Variants in LRRC63 observed in about 807,000 individuals in gnomAD.
LRRC63 encodes leucine-rich repeat-containing protein 63.
In LRRC63, 40 loss-of-function variants were observed where a neutral mutation model predicts 49.5. The ratio of observed to expected loss-of-function variants is 0.81; its 90% CI spans 0.63 to 1.05. The LOEUF is 1.05. Ranked by LOEUF, LRRC63 falls within the 50% of genes least tolerant of loss-of-function variation. The pLI, the probability that LRRC63 is intolerant of heterozygous loss-of-function variation, is 0.00. For missense variants in LRRC63, 636 were observed against 663.1 expected (o/e 0.96, Z 0.45); for synonymous variants, 191 against 221.1 (o/e 0.86, Z 1.21).
chr13:46,232,214 G>C (rs1454675718), intron 4 of LRRC63, among the ~76,000 whole-genome samples: 2 of 152,110 alleles, frequency 1.3e-5, no homozygotes. Context: ...ACCTCCCTCT[G>C]GGACCCACAT....
At chr13:46,233,319 G>T (rs944961221) in intron 4 of LRRC63, among the ~76,000 whole-genome samples, 1 of 152,040 alleles carries the variant, frequency 6.6e-6, no homozygotes, top group African/African-American at 2.4e-5. Context: ...CCAAGCCAAG[G>T]CATCTCTATA....
chr13:46,274,357 G>C (rs2047802565), intron 9 of LRRC63, among the ~76,000 whole-genome samples: 1 of 152,178 alleles, frequency 6.6e-6, no homozygotes, highest in South Asian at 2.1e-4. Flanking sequence ...ATCCTCCAGT[G>C]TCTGCCCTTG....
intron 2 of LRRC63, among the ~76,000 whole-genome samples, chr13:46,223,053 G>A (rs1458069616): frequency 1.6e-5 from 2 of 122,546 alleles, no homozygotes; most frequent in Non-Finnish European, 1.6e-5. Flanking sequence ...ACACTCTGGG[G>A]ACTGTTGTGG....
chr13:46,221,118 A>G (rs2046395465), intron 2 of LRRC63, among the ~76,000 whole-genome samples: 1 of 152,212 alleles, frequency 6.6e-6, no homozygotes, highest in South Asian at 2.1e-4. Context: ...CCCCAGCACT[A>G]TGTGTACAGC....
At chr13:46,222,761 C>T (rs1204521566) in intron 2 of LRRC63, among the ~76,000 whole-genome samples, 2 of 151,412 alleles carry the variant, frequency 1.3e-5, no homozygotes, top group East Asian at 3.9e-4. Context: ...CACATGCACA[C>T]GTATGTTTAT....
chr13:46,266,058 A>G (rs1022296257), intron 8 of LRRC63, among the ~76,000 whole-genome samples: 5 of 151,528 alleles, frequency 3.3e-5, no homozygotes, highest in Non-Finnish European at 7.4e-5. Flanking sequence ...TTCACCTCTA[A>G]TACATTTGAC....
intron 2 of LRRC63, among the ~76,000 whole-genome samples, chr13:46,215,667 C>T (rs183835107): frequency 1.6e-4 from 24 of 152,110 alleles, no homozygotes; most frequent in African/African-American, 4.8e-4. Flanking sequence ...CTGCTTTTGG[C>T]GTTTTTGTCA....
chr13:46,221,069 A>G (rs2046394698), intron 2 of LRRC63, among the ~76,000 whole-genome samples: 1 of 151,960 alleles, frequency 6.6e-6, no homozygotes, highest in Non-Finnish European at 1.5e-5. Flanking sequence ...AAATTGTGAG[A>G]TATTTGTTGG....
At chr13:46,232,167 C>A (rs916100907) in intron 4 of LRRC63, among the ~76,000 whole-genome samples, 2 of 152,180 alleles carry the variant, frequency 1.3e-5, no homozygotes, top group African/African-American at 4.8e-5. Context: ...ACAAGGACAG[C>A]ACCAAGCCAT....
At chr13:46,221,150 T>G (rs1035071523) in intron 2 of LRRC63, among the ~76,000 whole-genome samples, 1 of 152,234 alleles carries the variant, frequency 6.6e-6, no homozygotes, top group Admixed American at 6.5e-5. Flanking sequence ...AGGTGTTAAA[T>G]GTTTATTGAA....
exon 9 of LRRC63, chr13:46,266,864 T>C: frequency 1.3e-6 from 2 of 1,549,548 alleles, no homozygotes. Context: ...GATAATTATT[T>C]GAATAATCCA....
chr13:46,242,037 TG>T (rs1759880669), intron 5 of LRRC63, among the ~76,000 whole-genome samples: 1 of 152,206 alleles, frequency 6.6e-6, no homozygotes, highest in African/African-American at 2.4e-5. Flanking sequence ...CAGCACTATT[TG>T]TGATAACAAA....
chr13:46,221,323 A>G (rs1293002138), intron 2 of LRRC63, among the ~76,000 whole-genome samples: 2 of 152,210 alleles, frequency 1.3e-5, no homozygotes, highest in Non-Finnish European at 2.9e-5. Flanking sequence ...TACATGAGCA[A>G]TTGGGCCTTT....
intron 6 of LRRC63, among the ~76,000 whole-genome samples, chr13:46,248,486 T>A (rs2047281089): frequency 6.6e-6 from 1 of 151,826 alleles, no homozygotes; most frequent in South Asian, 2.1e-4. Flanking sequence ...ACAATAGAAA[T>A]GCTGGAGAGA....
rs546689318 is a variant in LRRC63, at chr13:46,273,999, T to C, written c.1551-2591T>C. 2.6e-5 allele frequency among the ~76,000 whole-genome samples: 4 copies of C among 151,852 alleles called. No homozygotes were observed. The East Asian group carries it at 5.8e-4, about 22-fold the overall frequency. On this transcript the variant is annotated intron_variant, in intron 9 of 9. Coordinates refer to ENST00000595396, the Ensembl canonical transcript of LRRC63. ...TGTCCATTGGAGATCACTGAATGCA[T>C]TGGAAGTTTTTTTCTTCAGGCCTTG...
intron 6 of LRRC63, among the ~76,000 whole-genome samples, chr13:46,247,038 G>A (rs1263353724): frequency 6.6e-6 from 1 of 152,112 alleles, no homozygotes; most frequent in Non-Finnish European, 1.5e-5. Flanking sequence ...ATGTATGAAG[G>A]ATAATCAGAT....
chr13:46,270,533 A>C (rs780498454), intron 9 of LRRC63: 1 of 819,604 alleles, frequency 1.2e-6, no homozygotes, highest in Non-Finnish European at 2.2e-6. Flanking sequence ...ATTTGAAGAA[A>C]GTAAAAACAT....
chr13:46,225,412 G>A (rs1012968378), intron 2 of LRRC63, among the ~76,000 whole-genome samples: 8 of 152,210 alleles, frequency 5.3e-5, no homozygotes, highest in African/African-American at 1.9e-4. Context: ...AGCAGAAGTG[G>A]GTGTGTGGAG....
At chr13:46,249,799 A>T (rs2047324192) in intron 6 of LRRC63, 1 of 152,000 alleles carries the variant, frequency 6.6e-6, no homozygotes, top group Non-Finnish European at 1.5e-5. Context: ...AGAGAAAAAT[A>T]TACTAATCAA....
Sources: gnomAD v4.1 joint callset for allele counts (sites outside exome capture counted in the v4.1 genomes callset) on GRCh38, gnomAD v4.1.1 for gene constraint, MANE v1.5 for transcripts, NCBI Gene and HGNC (gene_info 2026-07-23, HGNC 2026-07-21) for gene names.